The following TSPAN3 variants were observed in gnomAD, a reference collection of about 807,000 sequenced individuals.
TSPAN3 encodes the protein tetraspanin 3, also known as tetraspanin-3.
A neutral mutation model predicts 31.1 loss-of-function variants in TSPAN3; 9 were observed. The ratio of observed to expected loss-of-function variants is 0.29; its 90% CI spans 0.17 to 0.50. The LOEUF is 0.50. Among genes scored for constraint, TSPAN3 ranks in the 20% least tolerant of loss-of-function variants. The pLI, the probability that TSPAN3 is intolerant of heterozygous loss-of-function variation, is 0.98. For missense variants in TSPAN3, 252 were observed against 313.5 expected, an observed-to-expected ratio of 0.80 and a Z score of 1.48; for synonymous variants, 129 against 114.3, an observed-to-expected ratio of 1.13 and a Z score of -0.82.
intron 1 of TSPAN3, chr15:77,064,751 A>T (rs553507496): frequency 9.8e-5 from 15 of 152,392 alleles, no homozygotes; most frequent in African/African-American, 3.6e-4. Flanking sequence ...ATTGAAAACA[A>T]GCATGAAAAA....
chr15:77,064,481 T>C (rs1012557316), intron 1 of TSPAN3: 1 of 151,826 alleles, frequency 6.6e-6, no homozygotes, highest in Non-Finnish European at 1.5e-5. Flanking sequence ...TGGAATAAAA[T>C]TCATTAAATT....
chr15:77,046,344 T>C lies in TSPAN3; in HGVS notation c.*491A>G. 2.5e-6 allele frequency: 1 copy of C among 401,256 alleles called. No homozygotes were observed. The highest frequency in any genetic ancestry group is 4.4e-6 in the Non-Finnish European group (1 of 227,374). 24.9% of individuals were successfully genotyped at this position (401,256 alleles called of 1,614,324 possible). A position where few individuals can be genotyped will look rare whatever the true frequency, so the allele number is the denominator to read the frequency against. ...TTTTAGTCATTTTGTACAGCTGCTA[T>C]CTTATTGGACTACAGTAAATATTTT... On this transcript the variant is annotated 3_prime_UTR_variant, in exon 7 of 7. Coordinates refer to ENST00000267970, the MANE Select transcript of TSPAN3 (RefSeq NM_005724.6).
In TSPAN3 at chr15:77,067,163, T is replaced by C. The variant is rs540681266; in HGVS notation, c.63+3729A>G. On this transcript the variant is annotated intron_variant, in intron 1 of 6. Coordinates refer to ENST00000267970, the MANE Select transcript of TSPAN3 (RefSeq NM_005724.6). ...CCACATTGGGGATTCAGTTTCAACATGAGTTTTATAAAGGACAAACATTCT... is the reference window on the plus strand; with the variant it reads ...CCACATTGGGGATTCAGTTTCAACACGAGTTTTATAAAGGACAAACATTCT... Among the ~76,000 whole-genome samples, 12 of 152,274 alleles carry C rather than the reference T, an allele frequency of 7.9e-5. No individual in the cohort carries two copies. The East Asian group carries it at 2.3e-3, about 29-fold the overall frequency.
At chr15:77,057,926 T>C (rs1321189239) in intron 1 of TSPAN3, among the ~76,000 whole-genome samples, 3 of 152,184 alleles carry the variant, frequency 2.0e-5, no homozygotes, top group African/African-American at 4.8e-5. Context: ...GCCCAGCCCA[T>C]CTAATCTTCC....
chr15:77,070,087 A>T (rs1475049700), intron 1 of TSPAN3: 1 of 152,154 alleles, frequency 6.6e-6, no homozygotes, highest in East Asian at 1.9e-4. Flanking sequence ...GATAGGAACA[A>T]CTTAGGTTAC....
At chr15:77,068,425 A>G (rs1220220126) in intron 1 of TSPAN3, 1 of 152,248 alleles carries the variant, frequency 6.6e-6, no homozygotes, top group Admixed American at 6.5e-5. Flanking sequence ...CTTAGAACTG[A>G]TATTTTAGAG....
intron 1 of TSPAN3, among the ~76,000 whole-genome samples, chr15:77,063,195 T>G (rs1047322248): frequency 6.6e-6 from 1 of 152,202 alleles, no homozygotes; most frequent in Non-Finnish European, 1.5e-5. Context: ...CTCAGGTCTG[T>G]GTGGCTTTGA....
Position 77,056,492 on chromosome 15 carries a change from T to C in TSPAN3, c.64-237A>G, listed in dbSNP as rs140433569. Among the ~76,000 whole-genome samples the C allele has an allele frequency of 2.0e-4, 31 of 151,936 alleles. No individual in the cohort carries two copies. In the East Asian group the frequency reaches 5.6e-3, roughly 27 times the overall value. ...TGGTTCAGCTAGGACCAAGAAACCA[T>C]AACCAAATAATAACAATGATGATGA... On this transcript the variant is annotated intron_variant, in intron 1 of 6. Coordinates refer to ENST00000267970, the MANE Select transcript of TSPAN3 (RefSeq NM_005724.6).
intron 6 of TSPAN3, among the ~76,000 whole-genome samples, chr15:77,050,254 TC>T (rs1245708680): frequency 9.2e-5 from 14 of 152,222 alleles, no homozygotes; most frequent in Admixed American, 9.2e-4. Flanking sequence ...AATTATTAAT[TC>T]AGATAAATTT....
At position 77,070,909 on chromosome 15, in the gene TSPAN3, G is replaced by A; in HGVS notation, c.46C>T (p.Leu16Phe). The A allele has an allele frequency of 7.0e-7, 1 of 1,426,834 alleles. No homozygotes were observed. The highest frequency in any genetic ancestry group is 1.4e-5 in the South Asian group (1 of 71,056). 88.4% of individuals were successfully genotyped at this position (1,426,834 alleles called of 1,614,324 possible). A position where few individuals can be genotyped will look rare whatever the true frequency, so the allele number is the denominator to read the frequency against. ...CCGCTCACCCAGAAGATGAGGTTGAGAAAGACCAGCACGGTCTTGGAGGAG... is the reference window on the plus strand; with the variant it reads ...CCGCTCACCCAGAAGATGAGGTTGAAAAAGACCAGCACGGTCTTGGAGGAG... Reference protein sequence around the residue: ...ITSSKTVLVFLNLIFWGAAGI... With the variant: ...ITSSKTVLVFFNLIFWGAAGI... The change falls in exon 1 of 7, where the codon CTC becomes TTC. Residue 16 changes from leucine to phenylalanine, a missense_variant. Transcript: ENST00000267970.
At chr15:77,069,280 T>C (rs1036887587) in intron 1 of TSPAN3, among the ~76,000 whole-genome samples, 1 of 152,186 alleles carries the variant, frequency 6.6e-6, no homozygotes, top group Non-Finnish European at 1.5e-5. Flanking sequence ...GATGCATAAG[T>C]AGCAGTAGGT....
chr15:77,050,132 T>TTGAA (rs2076721010), intron 6 of TSPAN3, among the ~76,000 whole-genome samples: 1 of 152,234 alleles, frequency 6.6e-6, no homozygotes, highest in African/African-American at 2.4e-5. Context: ...CACTGATCTT[T>TTGAA]CAGTTATTTC....
At chr15:77,057,591 T>A (rs2076775765) in intron 1 of TSPAN3, among the ~76,000 whole-genome samples, 1 of 152,204 alleles carries the variant, frequency 6.6e-6, no homozygotes, top group Non-Finnish European at 1.5e-5. Flanking sequence ...ACAACTAGAA[T>A]AATGAAGGCA....
chr15:77,070,270 A>G (rs1442002549), intron 1 of TSPAN3, among the ~76,000 whole-genome samples: 2 of 152,204 alleles, frequency 1.3e-5, no homozygotes, highest in Non-Finnish European at 1.5e-5. Context: ...ATAATCTCAC[A>G]GTTTGGTCAC....
chr15:77,052,584 A>G, intron 5 of TSPAN3, 116 bp from the exon 6 acceptor site: 1 of 1,182,256 alleles, frequency 8.5e-7, no homozygotes, highest in Admixed American at 2.2e-5. Context: ...AGAGTGGAAA[A>G]AAGATTCCAT....
chr15:77,066,067 T>TA (rs560697585), intron 1 of TSPAN3, among the ~76,000 whole-genome samples: 6 of 151,598 alleles, frequency 4.0e-5, no homozygotes, highest in South Asian at 4.2e-4. Flanking sequence ...TAATAGGGTT[T>TA]AAAAAAAAAG....
At chr15:77,058,434 C>T (rs144421752) in intron 1 of TSPAN3, among the ~76,000 whole-genome samples, 33 of 152,316 alleles carry the variant, frequency 2.2e-4, no homozygotes, top group African/African-American at 7.0e-4. Flanking sequence ...AACTCCTTGT[C>T]GCTCATTAAG....
intron 6 of TSPAN3, among the ~76,000 whole-genome samples, chr15:77,050,979 G>C (rs562676829): frequency 9.2e-5 from 14 of 152,138 alleles, no homozygotes; most frequent in Non-Finnish European, 1.6e-4. Flanking sequence ...AATATACAAA[G>C]AGCAAGCAAT....
chr15:77,050,240 G>A (rs531919018), intron 6 of TSPAN3, among the ~76,000 whole-genome samples: 1 of 152,022 alleles, frequency 6.6e-6, no homozygotes, highest in Admixed American at 6.6e-5. Context: ...AAACAATTAG[G>A]GAAAATTATT....
Sources: gnomAD v4.1 joint callset for allele counts (sites outside exome capture counted in the v4.1 genomes callset) on GRCh38, gnomAD v4.1.1 for gene constraint, MANE v1.5 for transcripts, NCBI Gene and HGNC (gene_info 2026-07-23, HGNC 2026-07-21) for gene names.